The following NMBR variants were observed in gnomAD, a reference collection of about 807,000 sequenced individuals.
NMBR encodes the protein neuromedin-B receptor.
Under a neutral mutation model 20.5 loss-of-function variants are expected in NMBR, and 16 were observed. The observed-to-expected ratio is 0.78, with a 90% confidence interval of 0.53 to 1.19. The LOEUF (loss-of-function observed/expected upper bound fraction) is 1.19. NMBR is among the 50% of genes most tolerant of loss of function. NMBR has a pLI of 0.00. For synonymous variants in NMBR, 212 were observed against 196.6 expected, an observed-to-expected ratio of 1.08 and a Z score of -0.65; for missense variants, 582 against 499.1, an observed-to-expected ratio of 1.17 and a Z score of -1.58.
chr6:142,103,407 C>T (rs1777600360), intron 1 of NMBR, among the ~76,000 whole-genome samples: 1 of 152,060 alleles, frequency 6.6e-6, no homozygotes. Flanking sequence ...CAGAAATGTA[C>T]ATAAAGTTTT....
intron 1 of NMBR, among the ~76,000 whole-genome samples, chr6:142,140,899 T>G (rs974699508): frequency 3.3e-5 from 5 of 152,146 alleles, no homozygotes; most frequent in African/African-American, 1.2e-4. Context: ...AGTTGTAATA[T>G]GTATGCCACC....
At chr6:142,089,819 C>A (rs192069320) in intron 1 of NMBR, among the ~76,000 whole-genome samples, 2 of 152,248 alleles carry the variant, frequency 1.3e-5, no homozygotes, top group Admixed American at 1.3e-4. Flanking sequence ...TTTTAGTCAA[C>A]CTGAGTAACG....
At chr6:142,118,729 T>C (rs549617497) in intron 1 of NMBR, among the ~76,000 whole-genome samples, 1 of 152,018 alleles carries the variant, frequency 6.6e-6, no homozygotes, top group South Asian at 2.1e-4. Context: ...AGGAAGGACA[T>C]AGAAATCATC....
chr6:142,131,118 C>A (rs550045607), intron 1 of NMBR, among the ~76,000 whole-genome samples: 1 of 152,084 alleles, frequency 6.6e-6, no homozygotes, highest in Admixed American at 6.6e-5. Context: ...CTTTGTTTCT[C>A]CAGATTCTAG....
At chr6:142,083,408 T>C (rs955305408) in intron 2 of NMBR, among the ~76,000 whole-genome samples, 1 of 152,218 alleles carries the variant, frequency 6.6e-6, no homozygotes, top group Non-Finnish European at 1.5e-5. Context: ...AACTTTTCTT[T>C]TCCCTGCCCT....
At chr6:142,129,341 A>T (rs1050474378) in intron 1 of NMBR, among the ~76,000 whole-genome samples, 1 of 152,150 alleles carries the variant, frequency 6.6e-6, no homozygotes, top group African/African-American at 2.4e-5. Context: ...AAATTTGAGC[A>T]AACACCCTTG....
At chr6:142,126,936 T>C (rs981395666) in intron 1 of NMBR, among the ~76,000 whole-genome samples, 2 of 151,318 alleles carry the variant, frequency 1.3e-5, no homozygotes, top group Non-Finnish European at 3.0e-5. Context: ...CCTTTTACTT[T>C]TGTGTGTGTG....
intron 1 of NMBR, among the ~76,000 whole-genome samples, chr6:142,117,909 G>A (rs1197240383): frequency 6.6e-6 from 1 of 151,868 alleles, no homozygotes; most frequent in Non-Finnish European, 1.5e-5. Flanking sequence ...ATAACAAAGT[G>A]ATGACTTATA....
At chr6:142,092,011 AATACT>A (rs1371531699) in intron 1 of NMBR, among the ~76,000 whole-genome samples, 1 of 152,076 alleles carries the variant, frequency 6.6e-6, no homozygotes, top group Non-Finnish European at 1.5e-5. Flanking sequence ...AAAAATATAA[AATACT>A]ATACTTATGG....
intron 1 of NMBR, among the ~76,000 whole-genome samples, chr6:142,146,661 C>T (rs962507394): frequency 6.6e-6 from 1 of 152,168 alleles, no homozygotes; most frequent in African/African-American, 2.4e-5. Context: ...TACGTACTAG[C>T]CAGCTGAGAA....
intron 1 of NMBR, among the ~76,000 whole-genome samples, chr6:142,126,261 CTGTG>C (rs34172798): frequency 6.7e-6 from 1 of 149,166 alleles, no homozygotes; most frequent in Non-Finnish European, 1.5e-5. Flanking sequence ...CTCTCTCTCT[CTGTG>C]TGTGTGTGTG....
intron 1 of NMBR, among the ~76,000 whole-genome samples, chr6:142,110,633 T>C (rs1777746021): frequency 6.6e-6 from 1 of 152,158 alleles, no homozygotes; most frequent in Non-Finnish European, 1.5e-5. Context: ...GGTGATAATA[T>C]TTTTAAACTT....
Position 142,075,919 on chromosome 6 carries a change from C to T in NMBR, c.902G>A (p.Gly301Asp). 1.2e-6 allele frequency: 2 copies of T among 1,613,974 alleles called. No homozygotes were observed. The highest frequency in any genetic ancestry group is 8.5e-7 in the Non-Finnish European group (1 of 1,179,952). ...GGCAACTAAGGTGACAATCATGTGG[C>T]CTAGAGATGGATCAATCTCATTATA... ...FNYNEIDPSLGHMIVTLVARV... is the reference protein window; with the variant it reads ...FNYNEIDPSLDHMIVTLVARV... The change falls in exon 4 of 4, where the codon GGC becomes GAC. Residue 301 changes from glycine to aspartate, a missense_variant. By Grantham distance (94) the Gly-to-Asp change is moderately conservative. Coordinates refer to ENST00000258042, the MANE Select transcript of NMBR (RefSeq NM_002511.4).
intron 1 of NMBR, among the ~76,000 whole-genome samples, chr6:142,140,961 G>C (rs936059309): frequency 4.6e-5 from 7 of 152,044 alleles, no homozygotes; most frequent in African/African-American, 1.7e-4. Context: ...ATTGAAAAAA[G>C]AAATATATCC....
intron 1 of NMBR, among the ~76,000 whole-genome samples, chr6:142,144,966 C>T (rs988514286): frequency 1.5e-5 from 2 of 134,888 alleles, no homozygotes; most frequent in African/African-American, 2.8e-5. Context: ...AAGACTGCAG[C>T]GAGCTCTGAT....
At chr6:142,098,575 A>G (rs959658664) in intron 1 of NMBR, among the ~76,000 whole-genome samples, 2 of 152,184 alleles carry the variant, frequency 1.3e-5, no homozygotes, top group African/African-American at 4.8e-5. Context: ...TAAAAAATTT[A>G]CAGTCACCCT....
intron 1 of NMBR, among the ~76,000 whole-genome samples, chr6:142,122,111 C>T (rs1364246841): frequency 1.3e-5 from 2 of 151,936 alleles, no homozygotes; most frequent in African/African-American, 2.4e-5. Flanking sequence ...ATTTCTCCCA[C>T]TGCTAGCTCT....
intron 2 of NMBR, among the ~76,000 whole-genome samples, chr6:142,086,088 A>T (rs1027439151): frequency 6.6e-6 from 1 of 151,860 alleles, no homozygotes; most frequent in Non-Finnish European, 1.5e-5. Context: ...CTGGTAAATA[A>T]AAAATACTAT....
At position 142,074,608 on chromosome 6, in the gene NMBR, C is replaced by G. The variant is rs568168723; in HGVS notation, c.*1040G>C. Among the ~76,000 whole-genome samples the G allele has an allele frequency of 1.8e-4, 28 of 152,140 alleles. No individual in the cohort carries two copies. The highest frequency in any genetic ancestry group is 4.8e-4 in the African/African-American group (20 of 41,552). On this transcript the variant is annotated 3_prime_UTR_variant, in exon 4 of 4. Coordinates refer to ENST00000258042, the MANE Select transcript of NMBR (RefSeq NM_002511.4). ...GTTCAGAGAAAACTGTGGTATCATG[C>G]AGGAAAAGCAGAAAAAAATTGCCTA...
Sources: gnomAD v4.1 joint callset for allele counts (sites outside exome capture counted in the v4.1 genomes callset) on GRCh38, gnomAD v4.1.1 for gene constraint, MANE v1.5 for transcripts, NCBI Gene and HGNC (gene_info 2026-07-23, HGNC 2026-07-21) for gene names.